The following PARD3 variants were observed in gnomAD, a reference collection of about 807,000 sequenced individuals.
The protein encoded by PARD3 is par-3 family cell polarity regulator.
A neutral mutation model predicts 155.4 loss-of-function variants in PARD3; 75 were observed. The ratio of observed to expected loss-of-function variants is 0.48; its 90% CI spans 0.40 to 0.58. PARD3 has a LOEUF of 0.58. PARD3 is among the 20% of genes least tolerant of loss of function. The pLI, the probability that PARD3 is intolerant of heterozygous loss-of-function variation, is 0.00. For synonymous variants in PARD3, 576 were observed against 610.5 expected, an observed-to-expected ratio of 0.94 and a Z score of 0.83; for missense variants, 1,642 against 1,721.7, an observed-to-expected ratio of 0.95 and a Z score of 0.82.
At chr10:34,402,795 A>G (rs1330416991) in intron 5 of PARD3, among the ~76,000 whole-genome samples, 3 of 152,200 alleles carry the variant, frequency 2.0e-5, no homozygotes, top group Non-Finnish European at 4.4e-5. Context: ...TTCAAATGGG[A>G]TAATCAGTAT....
At chr10:34,776,654 C>G (rs1488850744) in intron 1 of PARD3, among the ~76,000 whole-genome samples, 2 of 151,330 alleles carry the variant, frequency 1.3e-5, no homozygotes, top group Non-Finnish European at 2.9e-5. Flanking sequence ...CTCCTATTAA[C>G]TAATCATATG....
chr10:34,477,780 C>T (rs924453341), intron 3 of PARD3, among the ~76,000 whole-genome samples: 17 of 152,148 alleles, frequency 1.1e-4, no homozygotes, highest in African/African-American at 2.9e-4. Flanking sequence ...GGTATTTAAT[C>T]GAATCTAAAT....
intron 1 of PARD3, among the ~76,000 whole-genome samples, chr10:34,719,671 G>C (rs998371418): frequency 6.6e-6 from 1 of 152,134 alleles, no homozygotes. Context: ...CTCAAACCAT[G>C]CCCCTCTTTC....
At chr10:34,235,007 G>C (rs1953141352) in intron 22 of PARD3, among the ~76,000 whole-genome samples, 1 of 152,114 alleles carries the variant, frequency 6.6e-6, no homozygotes, top group Non-Finnish European at 1.5e-5. Flanking sequence ...CAAGTTTTGT[G>C]CTATTTGTAA....
chr10:34,172,058 A>G (rs1217679437), intron 22 of PARD3, among the ~76,000 whole-genome samples: 9 of 151,560 alleles, frequency 5.9e-5, no homozygotes, highest in South Asian at 2.1e-4. Context: ...CTTTTTCCCA[A>G]TCTCTCTACC....
chr10:34,694,997 G>A (rs1356152835), intron 2 of PARD3, among the ~76,000 whole-genome samples: 2 of 152,134 alleles, frequency 1.3e-5, no homozygotes, highest in African/African-American at 4.8e-5. Context: ...CCAGTAGGAA[G>A]CAGAGTGAAT....
At chr10:34,620,846 T>C (rs1385048105) in intron 2 of PARD3, among the ~76,000 whole-genome samples, 1 of 152,124 alleles carries the variant, frequency 6.6e-6, no homozygotes, top group Non-Finnish European at 1.5e-5. Flanking sequence ...AATAGGCCAA[T>C]AAAGAAAAAA....
At chr10:34,231,737 C>G (rs992978302) in intron 22 of PARD3, among the ~76,000 whole-genome samples, 1 of 151,764 alleles carries the variant, frequency 6.6e-6, no homozygotes, top group Admixed American at 6.6e-5. Flanking sequence ...CCAACAATGC[C>G]GACTATTGGC....
At chr10:34,319,137 G>C (rs1958216131) in intron 19 of PARD3, among the ~76,000 whole-genome samples, 1 of 147,236 alleles carries the variant, frequency 6.8e-6, no homozygotes, top group African/African-American at 2.5e-5. Flanking sequence ...TCACCAGGCT[G>C]GAGTACAGTG....
intron 22 of PARD3, among the ~76,000 whole-genome samples, chr10:34,256,853 A>G (rs1954681257): frequency 6.6e-6 from 1 of 152,234 alleles, no homozygotes; most frequent in South Asian, 2.1e-4. Context: ...CAAAATAGTT[A>G]TTACATAGCC....
chr10:34,387,728 A>G (rs911715768), intron 7 of PARD3, among the ~76,000 whole-genome samples: 1 of 152,172 alleles, frequency 6.6e-6, no homozygotes, highest in Admixed American at 6.5e-5. Flanking sequence ...TAGAAGTAAC[A>G]TCAATAATTT....
intron 1 of PARD3, among the ~76,000 whole-genome samples, chr10:34,699,830 G>C (rs1185396809): frequency 6.6e-6 from 1 of 152,118 alleles, no homozygotes; most frequent in Admixed American, 6.5e-5. Context: ...AGCTGTGATT[G>C]TATCACTGCA....
At chr10:34,325,418 G>A (rs1029579119) in intron 19 of PARD3, among the ~76,000 whole-genome samples, 3 of 152,042 alleles carry the variant, frequency 2.0e-5, no homozygotes, top group Non-Finnish European at 2.9e-5. Flanking sequence ...GCATCCAGTT[G>A]AAGACTCTCA....
At position 34,119,656 on chromosome 10, in the gene PARD3, C is replaced by G. The variant is rs1477722915; in HGVS notation, c.3625G>C (p.Glu1209Gln). 6.2e-7 allele frequency: 1 copy of G among 1,610,408 alleles called. No homozygotes were observed. Among genetic ancestry groups the G allele is most frequent in the Non-Finnish European group, 8.5e-7 (1 of 1,178,880 alleles). The change falls in exon 24 of 25, where the codon GAG becomes CAG. Residue 1209 changes from glutamate (E) to glutamine (Q), a missense_variant. This residue lies in a region of PARD3 where 1,529 missense variants were observed against 1,587.3 expected (regional missense o/e 0.96). Transcript: ENST00000374788. ...TGGCGCTGGGCCTGCTGGGAGCTCT[C>G]GCGCTCCTCCTGCCGCTGCCGCTGC... is the stretch of plus-strand genomic sequence containing the variant. ...QMQRQRQEER[E>Q]SSQQAQRQYS...
At chr10:34,116,352 T>A (rs1946670255) in intron 24 of PARD3, among the ~76,000 whole-genome samples, 1 of 152,240 alleles carries the variant, frequency 6.6e-6, no homozygotes, top group Non-Finnish European at 1.5e-5. Context: ...ATCTTTTTGG[T>A]TTCTAATGCC....
At chr10:34,237,282 A>C (rs1402241404) in intron 22 of PARD3, among the ~76,000 whole-genome samples, 1 of 152,232 alleles carries the variant, frequency 6.6e-6, no homozygotes, top group Non-Finnish European at 1.5e-5. Context: ...GAGTTAAATA[A>C]CTGGGTGAAA....
chr10:34,783,688 A>G (rs1588727782), intron 1 of PARD3, among the ~76,000 whole-genome samples: 1 of 152,064 alleles, frequency 6.6e-6, no homozygotes, highest in South Asian at 2.1e-4. Context: ...GTTTTGTCAC[A>G]AAAGTATAAT....
intron 22 of PARD3, among the ~76,000 whole-genome samples, chr10:34,140,611 G>A (rs1345165521): frequency 6.6e-6 from 1 of 152,208 alleles, no homozygotes; most frequent in African/African-American, 2.4e-5. Context: ...GAAGACTTAT[G>A]AGGAATGGAG....
At chr10:34,520,901 G>T (rs2082103361) in intron 2 of PARD3, among the ~76,000 whole-genome samples, 1 of 152,084 alleles carries the variant, frequency 6.6e-6, no homozygotes, top group Non-Finnish European at 1.5e-5. Context: ...GAAGATTTTG[G>T]ATTGCTATAC....
Sources: gnomAD v4.1 joint callset for allele counts (sites outside exome capture counted in the v4.1 genomes callset) on GRCh38, gnomAD v4.1.1 for gene constraint, gnomAD v4.1.1 regional missense constraint, MANE v1.5 for transcripts, NCBI Gene and HGNC (gene_info 2026-07-23, HGNC 2026-07-21) for gene names.